PTCH2: variants seen among roughly 807,000 people sequenced by gnomAD.
The protein encoded by PTCH2 is patched 2.
A neutral mutation model predicts 117.9 loss-of-function variants in PTCH2; 96 were observed. The observed-to-expected ratio is 0.81, with a 90% CI of 0.69 to 0.96. PTCH2 has a LOEUF of 0.96. Ranked by LOEUF, PTCH2 falls within the 50% of genes least tolerant of loss-of-function variation. PTCH2 has a pLI of 0.00. For missense variants in PTCH2, 1,379 were observed against 1,562.5 expected (o/e 0.88, Z 1.98); for synonymous variants, 615 against 660.9 (o/e 0.93, Z 1.06).
At chr1:44,839,620 A>G (rs1653852858) in intron 2 of PTCH2, among the ~76,000 whole-genome samples, 1 of 151,986 alleles carries the variant, frequency 6.6e-6, no homozygotes, top group Non-Finnish European at 1.5e-5. Context: ...GGGAATGGAG[A>G]GGGAGGAAGG....
At position 44,828,204 on chromosome 1, in the gene PTCH2, G is replaced by A. The variant is rs747091810; in HGVS notation, c.1710-13C>T. ...AGCAGAGCAGGGACTGGAAGAGGTAGAGAGTGGATGACAGGTCTGTGCCTT... is the reference window on the plus strand; with the variant it reads ...AGCAGAGCAGGGACTGGAAGAGGTAAAGAGTGGATGACAGGTCTGTGCCTT... On this transcript the variant is annotated splice_polypyrimidine_tract_variant and intron_variant, in intron 13 of 21. Transcript: ENST00000372192. 8 of 1,613,106 alleles carry A rather than the reference G, an allele frequency of 5.0e-6. No individual in the cohort carries two copies. In the Admixed American group the frequency reaches 5.0e-5, roughly 10 times the overall value.
Position 44,827,457 on chromosome 1 carries a change from T to TG in PTCH2, c.2315dup (p.Pro773ThrfsTer25), listed in dbSNP as rs771498368. 3.1e-6 allele frequency: 5 copies of TG among 1,613,858 alleles called. No homozygotes were observed. Among genetic ancestry groups the TG allele is most frequent in the Middle Eastern group, 3.3e-4 (2 of 6,054 alleles). The stretch of plus-strand genomic sequence containing the variant: ...AGGTGCGGGGTGCCTGGGTGGCCGG[T>TG]GGGGGCAGCACCGCCTTGAGGGAAC... On this transcript the variant is annotated frameshift_variant, in exon 15 of 22. Coordinates refer to ENST00000372192, the MANE Select transcript of PTCH2 (RefSeq NM_003738.5). LOFTEE classifies it high-confidence loss of function.
rs1233117806 is a variant in PTCH2, at chr1:44,837,213, CTT to C, written c.265+4632_265+4633del. On this transcript the variant is annotated intron_variant, in intron 2 of 21. Transcript: ENST00000372192. ...TCCCTTCTTCCTTTCCTTTTCTTCTCTTTTCATGTGGCTAAAAGCATTCTATT... is the reference window on the plus strand; with the variant it reads ...TCCCTTCTTCCTTTCCTTTTCTTCTCTTCATGTGGCTAAAAGCATTCTATT... Among the ~76,000 whole-genome samples the C allele has an allele frequency of 2.0e-5, 3 of 152,154 alleles. No homozygotes were observed. The East Asian group carries it at 5.8e-4, about 29-fold the overall frequency.
At chr1:44,832,897 G>C (rs927101765) in intron 2 of PTCH2, among the ~76,000 whole-genome samples, 1 of 152,180 alleles carries the variant, frequency 6.6e-6, no homozygotes, top group Non-Finnish European at 1.5e-5. Context: ...GCAGGGATAG[G>C]AGTGTCTGAT....
At position 44,827,424 on chromosome 1, in the gene PTCH2, G is replaced by A; in HGVS notation, c.2349C>T (p.His783=). The change falls in exon 15 of 22, where the codon CAC becomes CAT. Residue 783 remains histidine, a synonymous_variant. Coordinates refer to ENST00000372192, the MANE Select transcript of PTCH2 (RefSeq NM_003738.5). ...CACCCTGTAGCCAGTTGCGGTAATA[G>A]TGCAGCCAGGTGCGGGGTGCCTGGG... The part of the protein sequence containing the change: ...PATQAPRTWL[H]YYRNWLQGIQ... The A allele has an allele frequency of 6.2e-7, 1 of 1,614,074 alleles. No individual in the cohort carries two copies. The highest frequency in any genetic ancestry group is 8.5e-7 in the Non-Finnish European group (1 of 1,180,008).
At chr1:44,834,890 C>A (rs979206405) in intron 2 of PTCH2, among the ~76,000 whole-genome samples, 1 of 152,080 alleles carries the variant, frequency 6.6e-6, no homozygotes, top group African/African-American at 2.4e-5. Context: ...TAAATGCAGG[C>A]AAAGTACTTA....
chr1:44,830,608 G>A lies in PTCH2; in HGVS notation c.813+240C>T, dbSNP rs1323255323. The stretch of plus-strand genomic sequence containing the variant: ...GACTCAAAAAAAAAAAAAAAAAGAA[G>A]TCCAGCCTTATCTAGGCTTAGAAAA... On this transcript the variant is annotated intron_variant, in intron 6 of 21. Transcript: ENST00000372192. Among the ~76,000 whole-genome samples, 61 of 88,080 alleles carry A rather than the reference G, an allele frequency of 6.9e-4. 3 individuals are homozygous for A. Among genetic ancestry groups the A allele is most frequent in the East Asian group, 1.2e-3 (3 of 2,444 alleles). 57.8% of individuals were successfully genotyped at this position (88,080 alleles called of 152,430 possible). A position where few individuals can be genotyped will look rare whatever the true frequency, so the allele number is the denominator to read the frequency against.
chr1:44,840,101 A>T (rs980008092), intron 2 of PTCH2, among the ~76,000 whole-genome samples: 13 of 132,322 alleles, frequency 9.8e-5, no homozygotes, highest in South Asian at 2.4e-4. Flanking sequence ...TCATGCTGAA[A>T]TTTTTTTTTT....
In PTCH2 at chr1:44,822,243, A is replaced by C. The variant is rs1028610812; in HGVS notation, c.*172T>G. The C allele has an allele frequency of 2.9e-5, 44 of 1,513,634 alleles. No homozygotes were observed. The highest frequency in any genetic ancestry group is 3.5e-5 in the Non-Finnish European group (40 of 1,138,072). 93.8% of individuals were successfully genotyped at this position (1,513,634 alleles called of 1,614,324 possible). On this transcript the variant is annotated 3_prime_UTR_variant, in exon 22 of 22. Transcript: ENST00000372192. ...GGCTCACACAGGCCTGGATGTGCAA[A>C]TCGGTGGCTGTTCTGTATGGATATC...
chr1:44,840,700 G>A (rs1249948901), intron 2 of PTCH2, among the ~76,000 whole-genome samples: 1 of 151,380 alleles, frequency 6.6e-6, no homozygotes, highest in African/African-American at 2.4e-5. Context: ...GAGACAGAGT[G>A]AGACTCTGTC....
chr1:44,827,393 G>A lies in PTCH2; in HGVS notation c.2371+9C>T, dbSNP rs1261637894. On this transcript the variant is annotated intron_variant, in intron 15 of 21. Coordinates refer to ENST00000372192, the MANE Select transcript of PTCH2 (RefSeq NM_003738.5). The stretch of plus-strand genomic sequence containing the variant: ...AGCACCCCTCCCTGCCCGTCTCCTC[G>A]CCTCTCACCCTGTAGCCAGTTGCGG... 24 of 1,613,650 alleles carry A rather than the reference G, an allele frequency of 1.5e-5. No individual in the cohort carries two copies. Among genetic ancestry groups the A allele is most frequent in the African/African-American group, 4.0e-5 (3 of 74,900 alleles).
rs1653346089 is a variant in PTCH2, at chr1:44,829,746, C to CT, written c.950dup (p.Ser318GlufsTer18). On this transcript the variant is annotated frameshift_variant, in exon 8 of 22. Transcript: ENST00000372192. LOFTEE classifies it high-confidence loss of function. The stretch of plus-strand genomic sequence containing the variant: ...GGGGACTCATCAGCAAGAAGGTGCT[C>CT]TGCAGGGCCTCTGCCCTGGTGGGGG... 5.0e-6 allele frequency: 8 copies of CT among 1,614,100 alleles called. No individual in the cohort carries two copies. Among genetic ancestry groups the CT allele is most frequent in the Non-Finnish European group, 6.8e-6 (8 of 1,180,048 alleles).
At position 44,842,002 on chromosome 1, in the gene PTCH2, C is replaced by CCCTG. The variant is rs1557652165; in HGVS notation, c.109_110insCAGG (p.Arg37ProfsTer44). ...GAAGAGCAGGCCCTGGAAGTAAGCA[C>CCCTG]GAAGCCAGAGTGGAGCCTTCAGGCT... On this transcript the variant is annotated frameshift_variant, in exon 2 of 22. Coordinates refer to ENST00000372192, the MANE Select transcript of PTCH2 (RefSeq NM_003738.5). LOFTEE classifies it high-confidence loss of function. The CCCTG allele has an allele frequency of 3.7e-6, 6 of 1,613,964 alleles. No individual in the cohort carries two copies. The highest frequency in any genetic ancestry group is 5.1e-6 in the Non-Finnish European group (6 of 1,179,986).
intron 2 of PTCH2, among the ~76,000 whole-genome samples, chr1:44,841,451 C>A (rs889060271): frequency 1.3e-5 from 2 of 152,198 alleles, no homozygotes; most frequent in Admixed American, 6.5e-5. Flanking sequence ...CTATCTTATA[C>A]CACATAATCA....
Position 44,828,423 on chromosome 1 carries a change from C to T in PTCH2, c.1591-9G>A, listed in dbSNP as rs377454394. ...CCAACCACTATGGCCGCCTGGGGGA[C>T]GGACAGGAGGGGAATGAAGGCTGGA... is the stretch of plus-strand genomic sequence containing the variant. On this transcript the variant is annotated splice_polypyrimidine_tract_variant and intron_variant, in intron 12 of 21. Coordinates refer to ENST00000372192, the MANE Select transcript of PTCH2 (RefSeq NM_003738.5). 6.4e-5 allele frequency: 103 copies of T among 1,613,982 alleles called. No homozygotes were observed. The highest frequency in any genetic ancestry group is 3.3e-4 in the Middle Eastern group (2 of 6,080).
In PTCH2 at chr1:44,823,633, G is replaced by C. The variant is rs1573639961; in HGVS notation, c.3115-248C>G. ...GGGTACAGCCTGGGTGACAGAGTGAGACCCTGTCTCTTAAAACAAACAAGC... is the reference window on the plus strand; with the variant it reads ...GGGTACAGCCTGGGTGACAGAGTGACACCCTGTCTCTTAAAACAAACAAGC... On this transcript the variant is annotated intron_variant, in intron 19 of 21. Transcript: ENST00000372192. This position sits in a 1 kb window ranked among gnomAD's most constrained non-coding sequence, Gnocchi z 5.1. Among the ~76,000 whole-genome samples the C allele has an allele frequency of 6.6e-6, 1 of 152,276 alleles. No homozygotes were observed. Among genetic ancestry groups the C allele is most frequent in the Middle Eastern group, 3.4e-3 (1 of 294 alleles).
intron 19 of PTCH2, among the ~76,000 whole-genome samples, chr1:44,825,158 A>T (rs1653085663): frequency 6.6e-6 from 1 of 150,898 alleles, no homozygotes; most frequent in Non-Finnish European, 1.5e-5. Context: ...TTTTTTTGAG[A>T]TGGAGTTTTG....
At chr1:44,822,714 C>T (rs755027721) in intron 21 of PTCH2, 45 bp from the exon 22 acceptor site, 2 of 1,587,026 alleles carry the variant, frequency 1.3e-6, no homozygotes, top group Non-Finnish European at 1.7e-6. Flanking sequence ...GCCCCTGGGG[C>T]TCCCGTCCCC....
chr1:44,831,632 T>C lies in PTCH2; in HGVS notation c.617+74A>G. The C allele has an allele frequency of 7.1e-7, 1 of 1,417,138 alleles. No homozygotes were observed. Among genetic ancestry groups the C allele is most frequent in the Non-Finnish European group, 9.8e-7 (1 of 1,025,464 alleles). The allele number at this position is 1,417,138 out of a possible 1,614,324, so 87.8% of individuals were successfully genotyped here. A position where few individuals can be genotyped will look rare whatever the true frequency, so the allele number is the denominator to read the frequency against. ...CTTGGTAAGGTTTTGATCATCCTCATTCCCCAGACCCCTCCTTTCTGCTGG... is the reference window on the plus strand; with the variant it reads ...CTTGGTAAGGTTTTGATCATCCTCACTCCCCAGACCCCTCCTTTCTGCTGG... On this transcript the variant is annotated intron_variant, in intron 5 of 21. Transcript: ENST00000372192. This position sits in a 1 kb window ranked among gnomAD's most constrained non-coding sequence, Gnocchi z 4.3.
Sources: gnomAD v4.1 joint callset for allele counts (sites outside exome capture counted in the v4.1 genomes callset) on GRCh38, gnomAD v4.1.1 for gene constraint, Gnocchi (gnomAD v3.1) non-coding constraint, MANE v1.5 for transcripts, NCBI Gene and HGNC (gene_info 2026-07-23, HGNC 2026-07-21) for gene names.